Variants in SPG11 observed in about 807,000 individuals in gnomAD.
SPG11 encodes spatacsin.
In SPG11, 222 loss-of-function variants were observed where a neutral mutation model predicts 274.0. The observed-to-expected ratio is 0.81, with a 90% confidence interval of 0.73 to 0.91. The LOEUF (loss-of-function observed/expected upper bound fraction) is 0.91. SPG11 is among the 40% of genes least tolerant of loss of function. The pLI is 0.00. For missense variants in SPG11, 3,114 were observed against 2,872.7 expected, an observed-to-expected ratio of 1.08 and a Z score of -1.92; for synonymous variants, 1,144 against 1,039.7, an observed-to-expected ratio of 1.10 and a Z score of -1.93.
At chr15:44,594,990 T>C (rs931633302) in intron 26 of SPG11, among the ~76,000 whole-genome samples, 1 of 152,114 alleles carries the variant, frequency 6.6e-6, no homozygotes, top group Non-Finnish European at 1.5e-5. Flanking sequence ...CTAATTTTTG[T>C]ATTTTTAGTA....
At chr15:44,600,796 T>C (rs186000073) in intron 20 of SPG11, among the ~76,000 whole-genome samples, 164 bp from the exon 21 acceptor site, 17 of 152,344 alleles carry the variant, frequency 1.1e-4, no homozygotes, top group Admixed American at 4.6e-4. Flanking sequence ...CTTCAGTGTA[T>C]AGAGGTAGCC....
chr15:44,596,744 C>T (rs2083052821), intron 24 of SPG11, 40 bp downstream of exon 24: 1 of 1,395,596 alleles, frequency 7.2e-7, no homozygotes, highest in Non-Finnish European at 9.6e-7. Flanking sequence ...AGAAGTGTTC[C>T]TATTTCCTTT....
intron 10 of SPG11, among the ~76,000 whole-genome samples, chr15:44,627,944 C>G (rs1052400626): frequency 6.6e-6 from 1 of 152,158 alleles, no homozygotes; most frequent in African/African-American, 2.4e-5. Flanking sequence ...AATGCAGTCA[C>G]ACCACGTACT....
At chr15:44,596,028 A>G (rs1199299555) in intron 25 of SPG11, 55 bp downstream of exon 25, 1 of 1,605,912 alleles carries the variant, frequency 6.2e-7, no homozygotes, top group Admixed American at 1.7e-5. Context: ...CCTGTCCCTC[A>G]TTACTTATTC....
intron 7 of SPG11, among the ~76,000 whole-genome samples, chr15:44,638,638 T>C (rs1306858537): frequency 6.6e-6 from 1 of 152,084 alleles, no homozygotes; most frequent in African/African-American, 2.4e-5. Context: ...ACAAAGGAGC[T>C]CCTGGAGTGC....
intron 27 of SPG11, among the ~76,000 whole-genome samples, chr15:44,591,898 T>A (rs2082907987): frequency 1.3e-5 from 2 of 151,918 alleles, no homozygotes; most frequent in Admixed American, 1.3e-4. Flanking sequence ...TCACTTGAGG[T>A]CAGGAGTTCA....
At chr15:44,651,292 T>C (rs1257857682) in intron 6 of SPG11, among the ~76,000 whole-genome samples, 199 bp downstream of exon 6, 2 of 152,206 alleles carry the variant, frequency 1.3e-5, no homozygotes, top group Non-Finnish European at 2.9e-5. Flanking sequence ...CTTAGTATCT[T>C]AGCATTTAGC....
chr15:44,566,050 A>G, intron 37 of SPG11, 41 bp from the exon 38 acceptor site: 1 of 1,611,972 alleles, frequency 6.2e-7, no homozygotes, highest in East Asian at 2.2e-5. Flanking sequence ...AGAAAGACCT[A>G]GTTGTCACCT....
rs889809794 is a variant in SPG11, at chr15:44,596,713, C to T, written c.4161+71G>A. ...AAAGGCCTATGTCATGTCTACACAA[C>T]AGAAAGAATGCTATCTTCTAAGAAG... On this transcript the variant is annotated intron_variant, in intron 24 of 39. Transcript: ENST00000261866. 43 of 443,918 alleles carry T rather than the reference C, an allele frequency of 9.7e-5. No individual in the cohort carries two copies. In the African/African-American group the frequency reaches 1.1e-3, roughly 11 times the overall value. 27.5% of individuals were successfully genotyped at this position (443,918 alleles called of 1,614,324 possible).
chr15:44,585,597 G>A (rs765814764), intron 29 of SPG11, 39 bp downstream of exon 29: 27 of 1,418,258 alleles, frequency 1.9e-5, no homozygotes, highest in South Asian at 1.0e-4. Flanking sequence ...GCAAGACCCC[G>A]TATCTAAAAA....
intron 25 of SPG11, 54 bp from the exon 26 acceptor site, chr15:44,595,513 CAA>C (rs1001649613): frequency 1.3e-5 from 20 of 1,531,024 alleles, no homozygotes; most frequent in Non-Finnish European, 1.2e-5. Context: ...GGCAAATGTA[CAA>C]ATACTACAGA....
At chr15:44,610,414 G>A (rs557640083) in intron 18 of SPG11, among the ~76,000 whole-genome samples, 71 of 151,788 alleles carry the variant, frequency 4.7e-4, no homozygotes, top group African/African-American at 1.7e-3. Flanking sequence ...ACGGAGTCCC[G>A]CTCTGTTGCC....
chr15:44,582,852 G>C (rs543521085), intron 30 of SPG11, among the ~76,000 whole-genome samples: 2 of 151,812 alleles, frequency 1.3e-5, no homozygotes, highest in South Asian at 4.2e-4. Flanking sequence ...AGCAAACCAG[G>C]AACAGAAGGG....
intron 37 of SPG11, 81 bp downstream of exon 37, chr15:44,566,136 A>G: frequency 6.3e-7 from 1 of 1,594,076 alleles, no homozygotes; most frequent in Non-Finnish European, 8.6e-7. Flanking sequence ...CTTCACCTGG[A>G]AAGAGCCCAA....
chr15:44,645,211 T>A (rs1040015894), intron 7 of SPG11, among the ~76,000 whole-genome samples: 1 of 152,146 alleles, frequency 6.6e-6, no homozygotes, highest in African/African-American at 2.4e-5. Flanking sequence ...TCACCTGACT[T>A]CAAACTATAC....
At chr15:44,641,620 C>CAG (rs1214028415) in intron 7 of SPG11, among the ~76,000 whole-genome samples, 2 of 150,416 alleles carry the variant, frequency 1.3e-5, no homozygotes, top group East Asian at 3.9e-4. Flanking sequence ...CACACACACA[C>CAG]ACACACACAC....
At chr15:44,618,718 G>A (rs1353511631) in intron 15 of SPG11, among the ~76,000 whole-genome samples, 1 of 151,958 alleles carries the variant, frequency 6.6e-6, no homozygotes, top group Non-Finnish European at 1.5e-5. Context: ...TACTCTGGAG[G>A]CTGAGGCAGG....
At chr15:44,643,682 T>C (rs1275003321) in intron 7 of SPG11, among the ~76,000 whole-genome samples, 1 of 151,810 alleles carries the variant, frequency 6.6e-6, no homozygotes, top group East Asian at 1.9e-4. Context: ...AAAAGATACA[T>C]TGACTTCATA....
chr15:44,566,241 C>G lies in SPG11; in HGVS notation c.6819G>C (p.Leu2273Phe). ...CCTTGGCATAACTCTCTGCTGCATC[C>G]AACATCAGAGTCAGGGCCTTCAGCA... ...QLLLKALTLM[L>F]DAAESYAKDS... Residue 2273 changes from leucine (L) to phenylalanine (F), a missense_variant, in exon 37 of 40, where the codon TTG becomes TTC. Leu to Phe is a conservative substitution (Grantham distance 22). Transcript: ENST00000261866. The G allele has an allele frequency of 1.2e-6, 2 of 1,614,184 alleles. No homozygotes were observed. The highest frequency in any genetic ancestry group is 4.5e-5 in the East Asian group (2 of 44,888).
Sources: gnomAD v4.1 joint callset for allele counts (sites outside exome capture counted in the v4.1 genomes callset) on GRCh38, gnomAD v4.1.1 for gene constraint, MANE v1.5 for transcripts, NCBI Gene and HGNC (gene_info 2026-07-23, HGNC 2026-07-21) for gene names.